Variants in PRKDC observed in about 807,000 individuals in gnomAD.
PRKDC encodes the protein DNA-dependent protein kinase catalytic subunit.
A neutral mutation model predicts 486.9 loss-of-function variants in PRKDC; 82 were observed. The observed-to-expected ratio is 0.17, with a 90% confidence interval of 0.14 to 0.20. PRKDC has a LOEUF of 0.20. PRKDC is among the 10% of genes least tolerant of loss of function. PRKDC has a pLI of 1.00. For missense variants in PRKDC, 4,504 were observed against 5,038.2 expected, an observed-to-expected ratio of 0.89 and a Z score of 3.21; for synonymous variants, 1,895 against 1,837.0, an observed-to-expected ratio of 1.03 and a Z score of -0.81.
intron 23 of PRKDC, among the ~76,000 whole-genome samples, chr8:47,915,040 T>A (rs1301317661): frequency 6.6e-6 from 1 of 152,198 alleles, no homozygotes; most frequent in Non-Finnish European, 1.5e-5. Context: ...AGAGATTAAC[T>A]TGGAATTCCC....
Position 47,854,072 on chromosome 8 carries a change from C to G in PRKDC, c.6893+11G>C. On this transcript the variant is annotated intron_variant, in intron 51 of 85. Coordinates refer to ENST00000314191, the MANE Select transcript of PRKDC (RefSeq NM_006904.7). ...AGACGTGACCTAAAAAATAATCAAG[C>G]AAACACGTACTCGCTACTCTGGATG... 1 of 1,613,420 alleles carries G rather than the reference C, an allele frequency of 6.2e-7. No homozygotes were observed. The highest frequency in any genetic ancestry group is 8.5e-7 in the Non-Finnish European group (1 of 1,179,614).
At position 47,803,268 on chromosome 8, in the gene PRKDC, C is replaced by A. The variant is rs751584744; in HGVS notation, c.9922+38G>T. 10 of 1,558,340 alleles carry A rather than the reference C, an allele frequency of 6.4e-6. No homozygotes were observed. The East Asian group carries it at 1.8e-4, about 28-fold the overall frequency. ...AGATACACAAGACAATATAACACAGCCCTTTAAGATATAAGTGGATAAAAG... is the reference window on the plus strand; with the variant it reads ...AGATACACAAGACAATATAACACAGACCTTTAAGATATAAGTGGATAAAAG... On this transcript the variant is annotated intron_variant, in intron 70 of 85. Coordinates refer to ENST00000314191, the MANE Select transcript of PRKDC (RefSeq NM_006904.7).
At chr8:47,803,705 T>G (rs992216562) in intron 69 of PRKDC, among the ~76,000 whole-genome samples, 3 of 152,148 alleles carry the variant, frequency 2.0e-5, no homozygotes, top group Non-Finnish European at 4.4e-5. Flanking sequence ...ATCCCAGCAT[T>G]TTGGAAGGCC....
At chr8:47,822,430 C>T (rs542319292) in intron 64 of PRKDC, among the ~76,000 whole-genome samples, 24 of 152,270 alleles carry the variant, frequency 1.6e-4, no homozygotes, top group African/African-American at 5.3e-4. Context: ...TTATTTACCA[C>T]GTAACAAGTT....
intron 68 of PRKDC, among the ~76,000 whole-genome samples, chr8:47,811,993 C>T (rs992037109): frequency 2.0e-5 from 3 of 152,082 alleles, no homozygotes; most frequent in Non-Finnish European, 4.4e-5. Flanking sequence ...AAAAGTATTT[C>T]CACCGTGGCA....
intron 25 of PRKDC, among the ~76,000 whole-genome samples, chr8:47,907,234 G>A (rs1028236278): frequency 2.6e-5 from 4 of 151,024 alleles, no homozygotes; most frequent in Middle Eastern, 3.2e-3. Context: ...TAGAGACAGG[G>A]TTTCACCGTG....
At chr8:47,831,675 G>C (rs1278773290) in intron 60 of PRKDC, 139 bp downstream of exon 60, 1 of 841,218 alleles carries the variant, frequency 1.2e-6, no homozygotes, top group African/African-American at 1.7e-5. Flanking sequence ...GGAGCCCCAG[G>C]AGGCTGGTTT....
At chr8:47,881,620 A>C in intron 37 of PRKDC, 100 bp from the exon 38 acceptor site, 1 of 699,346 alleles carries the variant, frequency 1.4e-6, no homozygotes, top group Non-Finnish European at 2.3e-6. Flanking sequence ...TGAATTGTTA[A>C]TTTAATTTTG....
chr8:47,934,465 G>A (rs1337848424), intron 14 of PRKDC, among the ~76,000 whole-genome samples: 2 of 152,158 alleles, frequency 1.3e-5, no homozygotes, highest in Non-Finnish European at 2.9e-5. Flanking sequence ...AACCTTGGAG[G>A]GGAAGGTTGC....
chr8:47,813,145 T>C (rs957927198), intron 68 of PRKDC, among the ~76,000 whole-genome samples: 1 of 151,374 alleles, frequency 6.6e-6, no homozygotes, highest in Non-Finnish European at 1.5e-5. Context: ...TGAGACAGAA[T>C]CTTGCTCTGT....
Position 47,777,727 on chromosome 8 carries a change from T to C in PRKDC, c.12001A>G (p.Thr4001Ala). Residue 4001 changes from threonine to alanine, a missense_variant, in exon 84 of 86, where the codon ACC (threonine) becomes GCC (alanine). By Grantham distance (58) the Thr-to-Ala change is moderately conservative. Transcript: ENST00000314191. ...GGCTCCTTGACAAACACATCCATGGTGTTGGTGAGCAGGCCAGGGTCTGAG... is the reference window on the plus strand; with the variant it reads ...GGCTCCTTGACAAACACATCCATGGCGTTGGTGAGCAGGCCAGGGTCTGAG... The part of the protein sequence containing the change: ...FRSDPGLLTN[T>A]MDVFVKEPSF... 2 of 1,610,492 alleles carry C rather than the reference T, an allele frequency of 1.2e-6. No homozygotes were observed. The highest frequency in any genetic ancestry group is 1.7e-6 in the Non-Finnish European group (2 of 1,177,282).
intron 50 of PRKDC, 122 bp downstream of exon 50, chr8:47,855,100 C>T (rs1041682172): frequency 1.9e-6 from 2 of 1,064,780 alleles, no homozygotes; most frequent in Non-Finnish European, 1.3e-6. Flanking sequence ...TTATTAGTAA[C>T]AATAAATTAT....
At chr8:47,794,196 T>TTA in intron 74 of PRKDC, 94 bp downstream of exon 74, 1 of 1,012,670 alleles carries the variant, frequency 9.9e-7, no homozygotes, top group African/African-American at 1.6e-5. Flanking sequence ...TCTAATTAAT[T>TTA]TGAAAACAAA....
In PRKDC at chr8:47,837,347, T is replaced by C. The variant is rs2088049427; in HGVS notation, c.7626A>G (p.Leu2542=). ...PSNTLDRLLA[L]NSLYSPKIEV... ...CTATCTTAGGAGAATATAAGGAATTTAGTGCCAGCAACCGGTCCAAGGTAT... is the reference window on the plus strand; with the variant it reads ...CTATCTTAGGAGAATATAAGGAATTCAGTGCCAGCAACCGGTCCAAGGTAT... Residue 2542 remains leucine, a synonymous_variant, in exon 57 of 86, where the codon CTA becomes CTG. Transcript: ENST00000314191. 1 of 1,613,122 alleles carries C rather than the reference T, an allele frequency of 6.2e-7. No individual in the cohort carries two copies. Among genetic ancestry groups the C allele is most frequent in the Non-Finnish European group, 8.5e-7 (1 of 1,179,090 alleles).
intron 30 of PRKDC, among the ~76,000 whole-genome samples, chr8:47,896,065 T>G (rs930106594): frequency 6.6e-6 from 1 of 152,136 alleles, no homozygotes; most frequent in Middle Eastern, 3.2e-3. Flanking sequence ...TTTTAAATGC[T>G]AATGTTTTTT....
chr8:47,953,446 T>C (rs947410930), intron 7 of PRKDC, among the ~76,000 whole-genome samples, 174 bp downstream of exon 7: 6 of 152,194 alleles, frequency 3.9e-5, no homozygotes, highest in Admixed American at 2.0e-4. Context: ...TGTGCTGTAG[T>C]TGGGAAAGAT....
In PRKDC at chr8:47,783,278, CA is replaced by C. The variant is rs1182413636; in HGVS notation, c.11175+463del. ...GGCTGACAGAATGAGACTCTTGTCT[CA>C]AAAAAAAAAAAGAAAAAAAAAAAAA... On this transcript the variant is annotated intron_variant, in intron 78 of 85. Transcript: ENST00000314191. Among the ~76,000 whole-genome samples, 88 of 56,192 alleles carry C rather than the reference CA, an allele frequency of 1.6e-3. 1 individual carries two copies. Among genetic ancestry groups the C allele is most frequent in the Admixed American group, 2.1e-3 (10 of 4,840 alleles). 36.9% of individuals were successfully genotyped at this position (56,192 alleles called of 152,430 possible). A position where few individuals can be genotyped will look rare whatever the true frequency, so the allele number is the denominator to read the frequency against.
Position 47,782,400 on chromosome 8 carries a change from T to C in PRKDC, c.11374A>G (p.Ser3792Gly). The C allele has an allele frequency of 1.9e-6, 3 of 1,604,438 alleles. No individual in the cohort carries two copies. The highest frequency in any genetic ancestry group is 2.6e-6 in the Non-Finnish European group (3 of 1,176,072). Residue 3792 changes from serine (S) to glycine (G), a missense_variant, in exon 79 of 86, where the codon AGC becomes GGC. Ser to Gly is a moderately conservative substitution (Grantham distance 56, BLOSUM62 0). Around this residue, in one of 6 missense-constraint regions of PRKDC, gnomAD observed 706 missense variants for 945.0 expected, o/e 0.75. Coordinates refer to ENST00000314191, the MANE Select transcript of PRKDC (RefSeq NM_006904.7). The surrounding 1 kb of genome is among the most constrained non-coding windows in gnomAD (Gnocchi z 4.9). ...TACCTGGAGGTCATGGGCACAACGC[T>C]ATAGGTCCTCAGCTGCAGGGCCCTC... ...SQRALQLRTY[S>G]VVPMTSRLGL...
intron 21 of PRKDC, among the ~76,000 whole-genome samples, chr8:47,920,298 C>T (rs1179842680): frequency 6.6e-6 from 1 of 152,120 alleles, no homozygotes; most frequent in Non-Finnish European, 1.5e-5. Flanking sequence ...CTGGTGTCGG[C>T]TATGTCTGTA....
Sources: gnomAD v4.1 joint callset for allele counts (sites outside exome capture counted in the v4.1 genomes callset) on GRCh38, gnomAD v4.1.1 for gene constraint, gnomAD v4.1.1 regional missense constraint, Gnocchi (gnomAD v3.1) non-coding constraint, MANE v1.5 for transcripts, NCBI Gene and HGNC (gene_info 2026-07-23, HGNC 2026-07-21) for gene names.